SETDB1: variants seen among roughly 807,000 people sequenced by gnomAD.
The protein encoded by SETDB1 is histone-lysine N-methyltransferase SETDB1.
In SETDB1, 31 loss-of-function variants were observed where a neutral mutation model predicts 137.4. That is an observed-to-expected ratio of 0.23 (90% CI 0.17 to 0.30). The LOEUF is 0.30. Ranked by LOEUF, SETDB1 falls within the 10% of genes least tolerant of loss-of-function variation. The pLI is 1.00. For synonymous variants in SETDB1, 548 were observed against 579.9 expected, an observed-to-expected ratio of 0.95 and a Z score of 0.79; for missense variants, 1,113 against 1,631.5, an observed-to-expected ratio of 0.68 and a Z score of 5.47.
At chr1:150,963,905 T>G (rs1670905370) in intron 20 of SETDB1, 90 bp from the exon 21 acceptor site, 1 of 1,329,650 alleles carries the variant, frequency 7.5e-7, no homozygotes, top group African/African-American at 1.4e-5. Flanking sequence ...GAGGGTCAGA[T>G]GGCATCATTT....
chr1:150,950,662 G>C lies in SETDB1; in HGVS notation c.1788G>C (p.Arg596=). The C allele has an allele frequency of 6.2e-7, 1 of 1,614,150 alleles. No homozygotes were observed. The highest frequency in any genetic ancestry group is 8.5e-7 in the Non-Finnish European group (1 of 1,180,028). ...GACCTATGAGGAATGAGCAGTACCG[G>C]GGCAAGAACCCTCTGCTGGTCCCGT... is the stretch of plus-strand genomic sequence containing the variant. ...RVRPMRNEQY[R]GKNPLLVPLL... is the part of the protein sequence containing the mutation. Residue 596 remains arginine (R), a synonymous_variant, in exon 13 of 22, where the codon CGG becomes CGC. Transcript: ENST00000692827.
intron 3 of SETDB1, among the ~76,000 whole-genome samples, chr1:150,931,908 G>A (rs1360572078): frequency 3.3e-5 from 5 of 151,982 alleles, no homozygotes; most frequent in Non-Finnish European, 7.4e-5. Flanking sequence ...TTGGATTTTG[G>A]ATTTTGTCAG....
At position 150,943,058 on chromosome 1, in the gene SETDB1, C is replaced by G. The variant is rs974471001; in HGVS notation, c.875+5C>G. 1.1e-5 allele frequency: 17 copies of G among 1,610,072 alleles called. No individual in the cohort carries two copies. The highest frequency in any genetic ancestry group is 1.4e-5 in the Non-Finnish European group (16 of 1,176,642). The stretch of plus-strand genomic sequence containing the variant: ...AAACGTCAAAAACAAGCTCAGGTAC[C>G]TGGACAGAGGACTGTAAAGGGGTAG... On this transcript the variant is annotated splice_donor_5th_base_variant and intron_variant, in intron 7 of 21. Coordinates refer to ENST00000692827, the MANE Select transcript of SETDB1 (RefSeq NM_001366418.1).
chr1:150,927,237 C>T (rs1029998652), intron 1 of SETDB1, among the ~76,000 whole-genome samples: 1 of 152,172 alleles, frequency 6.6e-6, no homozygotes, highest in African/African-American at 2.4e-5. Context: ...GCGATCCTCC[C>T]ACTTCAGCCT....
rs958722352 is a variant in SETDB1, at chr1:150,963,605, A to C, written c.3536A>C (p.Lys1179Thr). ...AAATCAACCCATGGGATTGCAATTA[A>C]ATCAACCAACATGGCCTCTGTGGAC... ...ALKSTHGIAIKSTNMASVDKG... is the reference protein window; with the variant it reads ...ALKSTHGIAITSTNMASVDKG... The change falls in exon 20 of 22, where the codon AAA (lysine) becomes ACA (threonine). Residue 1179 changes from lysine to threonine, a missense_variant. By Grantham distance (78) the Lys-to-Thr change is moderately conservative. Around this residue, in one of 11 missense-constraint regions of SETDB1, gnomAD observed 373 missense variants for 412.7 expected, o/e 0.90. Coordinates refer to ENST00000692827, the MANE Select transcript of SETDB1 (RefSeq NM_001366418.1). The C allele has an allele frequency of 3.7e-6, 6 of 1,614,094 alleles. No individual in the cohort carries two copies. In the African/African-American group the frequency reaches 6.7e-5, roughly 18 times the overall value.
At chr1:150,950,430 G>C (rs756643759) in intron 12 of SETDB1, 28 bp from the exon 13 acceptor site, 1 of 1,538,916 alleles carries the variant, frequency 6.5e-7, no homozygotes, top group South Asian at 1.2e-5. Flanking sequence ...GTTGCCTTCC[G>C]ATCTGATCAC....
intron 3 of SETDB1, among the ~76,000 whole-genome samples, chr1:150,939,109 G>C (rs1670047955): frequency 6.6e-6 from 1 of 151,456 alleles, no homozygotes; most frequent in Non-Finnish European, 1.5e-5. Flanking sequence ...ACCACGCTTG[G>C]CTAATTTTTG....
At chr1:150,953,792 G>A (rs1670563043) in intron 14 of SETDB1, among the ~76,000 whole-genome samples, 1 of 151,714 alleles carries the variant, frequency 6.6e-6, no homozygotes, top group Admixed American at 6.6e-5. Context: ...TTGCACCACT[G>A]CACTCCAGTC....
rs892870838 is a variant in SETDB1, at chr1:150,942,753, C to A, written c.673+65C>A. On this transcript the variant is annotated intron_variant, in intron 6 of 21. Coordinates refer to ENST00000692827, the MANE Select transcript of SETDB1 (RefSeq NM_001366418.1). Reference sequence around the variant, plus strand: ...CTGCACCCTCCACTGCTGATTGTTTCTTTTCCCCATAACCTTCCCATTTGT... The same window carrying A: ...CTGCACCCTCCACTGCTGATTGTTTATTTTCCCCATAACCTTCCCATTTGT... 32 of 1,597,868 alleles carry A rather than the reference C, an allele frequency of 2.0e-5. No homozygotes were observed. The Admixed American group carries it at 5.5e-4, about 27-fold the overall frequency.
intron 14 of SETDB1, among the ~76,000 whole-genome samples, chr1:150,958,062 T>C (rs183953095): frequency 5.3e-5 from 8 of 151,958 alleles, no homozygotes; most frequent in African/African-American, 1.7e-4. Flanking sequence ...GGCGCGTGCC[T>C]GTAATCTCAG....
Position 150,941,332 on chromosome 1 carries a change from C to G in SETDB1, c.451C>G (p.Arg151Gly). The G allele has an allele frequency of 6.2e-7, 1 of 1,606,672 alleles. No homozygotes were observed. Among genetic ancestry groups the G allele is most frequent in the Non-Finnish European group, 8.5e-7 (1 of 1,173,520 alleles). ...GSRTPKDQKL[R>G]EAMAALRKSA... ...TTCCTCATCCCCTTTTCTACAGCTC[C>G]GTGAAGCTATGGCTGCCTTAAGAAA... The change falls in exon 5 of 22, where the codon CGT (arginine) becomes GGT (glycine). Residue 151 changes from arginine (R) to glycine (G), a missense_variant. Arg to Gly is a moderately radical substitution (Grantham distance 125). Transcript: ENST00000692827.
chr1:150,956,321 G>GGTTGCA (rs1670639629), intron 14 of SETDB1, among the ~76,000 whole-genome samples: 1 of 151,880 alleles, frequency 6.6e-6, no homozygotes, highest in Non-Finnish European at 1.5e-5. Context: ...GCGAGGTGGA[G>GGTTGCA]GTTGCAGTGA....
chr1:150,933,182 C>T (rs1176488425), intron 3 of SETDB1, among the ~76,000 whole-genome samples: 1 of 151,942 alleles, frequency 6.6e-6, no homozygotes, highest in Non-Finnish European at 1.5e-5. Context: ...ACGTCAGCCT[C>T]CTGAGTAGCT....
At chr1:150,932,082 T>G (rs1490768328) in intron 3 of SETDB1, among the ~76,000 whole-genome samples, 1 of 152,018 alleles carries the variant, frequency 6.6e-6, no homozygotes, top group African/African-American at 2.4e-5. Context: ...TTGGATTTGC[T>G]GATTTAAAAA....
Position 150,962,621 on chromosome 1 carries a change from C to T in SETDB1, c.3196C>T (p.Pro1066Ser), listed in dbSNP as rs777877893. The T allele has an allele frequency of 4.3e-6, 7 of 1,613,854 alleles. No homozygotes were observed. The highest frequency in any genetic ancestry group is 5.9e-6 in the Non-Finnish European group (7 of 1,179,850). The change falls in exon 18 of 22, where the codon CCT (proline) becomes TCT (serine). Residue 1066 changes from proline to serine, a missense_variant. By Grantham distance (74) the Pro-to-Ser change is moderately conservative (BLOSUM62 -1). This residue lies in a region of SETDB1 where 373 missense variants were observed against 412.7 expected (regional missense o/e 0.90). Coordinates refer to ENST00000692827, the MANE Select transcript of SETDB1 (RefSeq NM_001366418.1). ...TESSRNYGYN[P>S]SPVKPEGLRR... ...AAGCTCTCGAAATTACGGTTACAATCCTTCTCCTGTGAAGCCTGAAGGACT... is the reference window on the plus strand; with the variant it reads ...AAGCTCTCGAAATTACGGTTACAATTCTTCTCCTGTGAAGCCTGAAGGACT...
chr1:150,948,654 T>C (rs759676337), intron 10 of SETDB1, among the ~76,000 whole-genome samples: 17 of 152,224 alleles, frequency 1.1e-4, no homozygotes, highest in Middle Eastern at 3.4e-3. Flanking sequence ...CAAAAAACAA[T>C]GTATGCCAGC....
At chr1:150,952,157 A>AAG (rs1670507840) in intron 14 of SETDB1, among the ~76,000 whole-genome samples, 1 of 152,076 alleles carries the variant, frequency 6.6e-6, no homozygotes, top group African/African-American at 2.4e-5. Context: ...TTAAAAAAAA[A>AAG]AAAAGAAAAG....
intron 14 of SETDB1, among the ~76,000 whole-genome samples, chr1:150,952,325 C>A (rs1206432010): frequency 6.6e-6 from 1 of 151,980 alleles, no homozygotes; most frequent in African/African-American, 2.4e-5. Context: ...AGGAGTACAG[C>A]AGAGAGAGAC....
chr1:150,929,918 T>C, intron 2 of SETDB1, 49 bp from the exon 3 acceptor site: 1 of 1,531,844 alleles, frequency 6.5e-7, no homozygotes, highest in Non-Finnish European at 8.9e-7. Flanking sequence ...TCTATATCTC[T>C]TAATTCCTCT....
Sources: gnomAD v4.1 joint callset for allele counts (sites outside exome capture counted in the v4.1 genomes callset) on GRCh38, gnomAD v4.1.1 for gene constraint, gnomAD v4.1.1 regional missense constraint, MANE v1.5 for transcripts, NCBI Gene and HGNC (gene_info 2026-07-23, HGNC 2026-07-21) for gene names.